PDZD2: variants seen among roughly 807,000 people sequenced by gnomAD.
PDZD2 encodes PDZ domain-containing protein 2.
In PDZD2, 90 loss-of-function variants were observed where a neutral mutation model predicts 220.7. That is an observed-to-expected ratio of 0.41 (90% CI 0.34 to 0.49). The LOEUF is 0.49. PDZD2 is among the 20% of genes least tolerant of loss of function. The pLI, the probability that PDZD2 is intolerant of heterozygous loss-of-function variation, is 0.28. For synonymous variants in PDZD2, 1,375 were observed against 1,450.5 expected, an observed-to-expected ratio of 0.95 and a Z score of 1.18; for missense variants, 3,174 against 3,608.5, an observed-to-expected ratio of 0.88 and a Z score of 3.08.
At chr5:31,702,487 T>C (rs1477880276) in intron 1 of PDZD2, among the ~76,000 whole-genome samples, 1 of 152,238 alleles carries the variant, frequency 6.6e-6, no homozygotes, top group South Asian at 2.1e-4. Context: ...TTGACGATGA[T>C]GGATCTAAGG....
chr5:31,894,682 A>T (rs1208674718), intron 2 of PDZD2, among the ~76,000 whole-genome samples: 1 of 152,088 alleles, frequency 6.6e-6, no homozygotes, highest in Non-Finnish European at 1.5e-5. Flanking sequence ...GTTTTTCTAT[A>T]GTCTAAAATT....
chr5:31,702,742 T>G (rs956871224), intron 1 of PDZD2, among the ~76,000 whole-genome samples: 1 of 152,268 alleles, frequency 6.6e-6, no homozygotes, highest in Admixed American at 6.5e-5. Flanking sequence ...AAACATATAA[T>G]ACTCAGCATT....
chr5:31,852,888 C>A (rs770927377), intron 2 of PDZD2, among the ~76,000 whole-genome samples: 1 of 152,156 alleles, frequency 6.6e-6, no homozygotes, highest in Non-Finnish European at 1.5e-5. Context: ...TGAGCCACTG[C>A]GCCTGGCCCA....
chr5:32,067,280 G>A (rs552238585), intron 14 of PDZD2, among the ~76,000 whole-genome samples: 2 of 152,278 alleles, frequency 1.3e-5, no homozygotes, highest in South Asian at 4.1e-4. Flanking sequence ...TCTAACTTAT[G>A]TTAAGTGGAA....
chr5:31,915,724 T>C (rs1743621355), intron 2 of PDZD2, among the ~76,000 whole-genome samples: 1 of 152,208 alleles, frequency 6.6e-6, no homozygotes, highest in Admixed American at 6.5e-5. Context: ...TATTACTCTT[T>C]TCAGGTCTGT....
At chr5:31,675,497 G>C (rs929483378) in intron 1 of PDZD2, among the ~76,000 whole-genome samples, 18 of 152,272 alleles carry the variant, frequency 1.2e-4, no homozygotes, top group Middle Eastern at 3.4e-3. Flanking sequence ...AATAATAGTA[G>C]CAATGATTTT....
chr5:32,006,904 G>A, intron 5 of PDZD2, among the ~76,000 whole-genome samples: 1 of 128,230 alleles, frequency 7.8e-6, no homozygotes, highest in Admixed American at 9.2e-5. Context: ...TAGCCATGCT[G>A]GTCTTTTTTT....
At chr5:31,884,259 A>ACATACATC (rs923352259) in intron 2 of PDZD2, among the ~76,000 whole-genome samples, 13 of 151,680 alleles carry the variant, frequency 8.6e-5, no homozygotes, top group African/African-American at 2.9e-4. Flanking sequence ...ATACATACAT[A>ACATACATC]CATCCTGGGT....
chr5:31,859,307 T>C (rs897976022), intron 2 of PDZD2, among the ~76,000 whole-genome samples: 1 of 152,196 alleles, frequency 6.6e-6, no homozygotes, highest in African/African-American at 2.4e-5. Flanking sequence ...TCTTGATAAA[T>C]TGGCTCTATC....
At position 32,052,728 on chromosome 5, in the gene PDZD2, A is replaced by C. The variant is rs1187815273; in HGVS notation, c.1783A>C (p.Lys595Gln). 1 of 1,613,894 alleles carries C rather than the reference A, an allele frequency of 6.2e-7. No individual in the cohort carries two copies. Reference sequence around the variant, plus strand: ...CATTGGGTTGTACAAAGAAAAAGGCAAGGTGAGCTCTTTTCTGCAGACTGT... The same window carrying C: ...CATTGGGTTGTACAAAGAAAAAGGCCAGGTGAGCTCTTTTCTGCAGACTGT... The part of the protein sequence containing the change: ...SIIGLYKEKG[K>Q]GLGFSIAGGR... The change falls in exon 9 of 25, where the codon AAG becomes CAG. Residue 595 changes from lysine (K) to glutamine (Q), a missense_variant and splice_region_variant. Lys to Gln is a moderately conservative substitution (Grantham distance 53). Around this residue, in one of 4 missense-constraint regions of PDZD2, gnomAD observed 50 missense variants for 109.5 expected, o/e 0.46. Coordinates refer to ENST00000438447, the MANE Select transcript of PDZD2 (RefSeq NM_178140.4).
chr5:31,917,821 C>T (rs1327462562), intron 2 of PDZD2, among the ~76,000 whole-genome samples: 1 of 152,210 alleles, frequency 6.6e-6, no homozygotes, highest in African/African-American at 2.4e-5. Context: ...CGGCTCACTG[C>T]AGCCTCTGCC....
rs763204399 is a variant in PDZD2, at chr5:32,071,386, A to T, written c.2536A>T (p.Thr846Ser). The stretch of plus-strand genomic sequence containing the variant: ...ATGGTGAATTTTCCCTCCAACAGGT[A>T]CCCCCTTGAAGAGTCCCTCTCTTGC... ...KEANSSPGLG[T>S]PLKSPSLAKK... The change falls in exon 16 of 25, where the codon ACC (threonine) becomes TCC (serine). Residue 846 changes from threonine to serine, a missense_variant and splice_region_variant. Thr to Ser is a moderately conservative substitution (Grantham distance 58). Around this residue, in one of 4 missense-constraint regions of PDZD2, gnomAD observed 1,861 missense variants for 2,001.0 expected, o/e 0.93. Coordinates refer to ENST00000438447, the MANE Select transcript of PDZD2 (RefSeq NM_178140.4). The T allele has an allele frequency of 1.9e-6, 3 of 1,606,802 alleles. No individual in the cohort carries two copies. The African/African-American group carries it at 4.0e-5, about 22-fold the overall frequency.
chr5:31,782,287 C>A (rs1753103033), intron 1 of PDZD2, among the ~76,000 whole-genome samples: 1 of 152,060 alleles, frequency 6.6e-6, no homozygotes, highest in African/African-American at 2.4e-5. Flanking sequence ...ATGGGACATA[C>A]CTACATTAAG....
intron 1 of PDZD2, among the ~76,000 whole-genome samples, chr5:31,680,859 C>A (rs961751755): frequency 2.0e-5 from 3 of 152,158 alleles, no homozygotes; most frequent in Non-Finnish European, 4.4e-5. Context: ...TTTTTCCCTG[C>A]AGCTCTGAGA....
intron 1 of PDZD2, among the ~76,000 whole-genome samples, chr5:31,771,239 A>G (rs1238132339): frequency 5.3e-5 from 8 of 152,214 alleles, no homozygotes; most frequent in Non-Finnish European, 1.0e-4. Context: ...ATATTCATGT[A>G]ACTATTCAGA....
At chr5:31,644,669 G>A (rs895316719) in intron 1 of PDZD2, among the ~76,000 whole-genome samples, 4 of 152,170 alleles carry the variant, frequency 2.6e-5, no homozygotes, top group Non-Finnish European at 5.9e-5. Context: ...GATGGGGCCA[G>A]CAAACAGTCT....
At chr5:31,875,087 A>C (rs1739185843) in intron 2 of PDZD2, among the ~76,000 whole-genome samples, 1 of 151,958 alleles carries the variant, frequency 6.6e-6, no homozygotes, top group South Asian at 2.1e-4. Context: ...TATGCTGCTT[A>C]TTTTTTCCTT....
rs1346873546 is a variant in PDZD2 at position 32,101,245 on chromosome 5, G to A, written c.8353+6G>A. 2.5e-6 allele frequency: 4 copies of A among 1,586,214 alleles called. No individual in the cohort carries two copies. The African/African-American group carries it at 4.0e-5, about 16-fold the overall frequency. ...CATTAAAAGAGTGTACAAAGGTAAT[G>A]TTCTAGACAACTCAGTCAGCCTTCT... On this transcript the variant is annotated splice_donor_region_variant and intron_variant, in intron 24 of 24. Coordinates refer to ENST00000438447, the MANE Select transcript of PDZD2 (RefSeq NM_178140.4).
At chr5:31,847,435 A>G in intron 2 of PDZD2, 1 of 546,220 alleles carries the variant, frequency 1.8e-6, no homozygotes. Flanking sequence ...GAGTTCGCGT[A>G]ACAGAGATAT....
Sources: allele counts gnomAD v4.1 joint callset (sites outside exome capture counted in the v4.1 genomes callset), GRCh38; gene constraint gnomAD v4.1.1; regional missense constraint gnomAD v4.1.1; transcripts MANE v1.5; gene names NCBI Gene and HGNC (gene_info 2026-07-23, HGNC 2026-07-21).